Variants in MROH1 observed in about 807,000 individuals in gnomAD.
MROH1 encodes the protein maestro heat like repeat family member 1.
MROH1 carries 117 observed loss-of-function variants against 116.5 expected under a neutral mutation model. The observed-to-expected ratio is 1.00, with a 90% CI of 0.86 to 1.17. The LOEUF (loss-of-function observed/expected upper bound fraction) is 1.17. Among genes scored for constraint, MROH1 ranks in the 50% most tolerant of loss-of-function variants. The pLI is 0.00. For missense variants in MROH1, 1,873 were observed against 1,338.5 expected, an observed-to-expected ratio of 1.40 and a Z score of -6.23; for synonymous variants, 921 against 583.9, an observed-to-expected ratio of 1.58 and a Z score of -8.32.
chr8:144,149,713 G>A (rs1444838868), intron 1 of MROH1, among the ~76,000 whole-genome samples: 5 of 152,160 alleles, frequency 3.3e-5, no homozygotes, highest in East Asian at 1.9e-4. Context: ...TGGCTCTTGG[G>A]AGCTCCTAGC....
In MROH1 at chr8:144,243,886, G is replaced by C. The variant is rs1453477840; in HGVS notation, c.2499G>C (p.Pro833=). 4 of 780,294 alleles carry C rather than the reference G, an allele frequency of 5.1e-6. No homozygotes were observed. Among genetic ancestry groups the C allele is most frequent in the African/African-American group, 3.4e-5 (2 of 59,254 alleles). 48.3% of individuals were successfully genotyped at this position (780,294 alleles called of 1,614,324 possible). The change falls in exon 26 of 44, where the codon CCG becomes CCC. Residue 833 remains proline, a synonymous_variant. Transcript: ENST00000326134. ...QMMEFIRAEP[P]DSLRTPIRKK... is the part of the protein sequence containing the mutation. ...AGGAGTTCATCAGGGCAGAGCCCCC[G>C]GACTCCTTGAGGACACCTATTCGGA...
chr8:144,152,484 G>C (rs1314487370), intron 1 of MROH1, among the ~76,000 whole-genome samples: 1 of 151,962 alleles, frequency 6.6e-6, no homozygotes, highest in African/African-American at 2.4e-5. Flanking sequence ...TGCCTACTGG[G>C]TTCAAGCCAT....
At chr8:144,160,191 A>G (rs1255380452) in intron 1 of MROH1, among the ~76,000 whole-genome samples, 1 of 152,208 alleles carries the variant, frequency 6.6e-6, no homozygotes, top group African/African-American at 2.4e-5. Flanking sequence ...ACTAGGGAAC[A>G]GTTTGATCTT....
intron 12 of MROH1, among the ~76,000 whole-genome samples, chr8:144,208,881 A>G (rs6558322): frequency 0.98 from 149,271 of 152,124 alleles, 73,281 homozygotes; most frequent in East Asian, 1. Context: ...GCACCACCAC[A>G]TCCGGCTAAT....
intron 4 of MROH1, among the ~76,000 whole-genome samples, chr8:144,178,141 G>GT (rs541890850): frequency 0.017 from 2,233 of 130,040 alleles, 42 homozygotes; most frequent in African/African-American, 0.057. Context: ...TGTTTTTTGT[G>GT]TTTTTTTTTT....
At chr8:144,191,937 A>T in intron 9 of MROH1, 82 bp downstream of exon 9, 1 of 1,529,266 alleles carries the variant, frequency 6.5e-7, no homozygotes, top group Non-Finnish European at 8.9e-7. Context: ...GTCCTCGGCT[A>T]GGGCTCAGTG....
At chr8:144,207,493 C>T (rs972837120) in intron 12 of MROH1, among the ~76,000 whole-genome samples, 2 of 152,056 alleles carry the variant, frequency 1.3e-5, no homozygotes, top group African/African-American at 4.8e-5. Context: ...GACCCCTGTT[C>T]AGGTCTTTTG....
chr8:144,191,654 T>A, intron 8 of MROH1, 61 bp from the exon 9 acceptor site: 1 of 1,589,310 alleles, frequency 6.3e-7, no homozygotes, highest in Non-Finnish European at 8.6e-7. Flanking sequence ...TTGCTGGACA[T>A]GCTCTGAGCA....
chr8:144,241,612 T>C, intron 22 of MROH1, 95 bp downstream of exon 22: 1 of 766,986 alleles, frequency 1.3e-6, no homozygotes, highest in South Asian at 1.4e-5. Context: ...GGCAGGAAGC[T>C]GGTTGCGTCC....
rs1161687289 is a variant in MROH1 at position 144,230,802 on chromosome 8, CTTTTTTT to C, written c.1338+7590_1338+7596del. ...GGATTTTTCTTCACTAAAAGGTTTT[CTTTTTTT>C]TTTTTTTTTTTTTTTTTAATTGATC... On this transcript the variant is annotated intron_variant, in intron 14 of 43. Transcript: ENST00000326134. Among the ~76,000 whole-genome samples, 124 of 68,620 alleles carry C rather than the reference CTTTTTTT, an allele frequency of 1.8e-3. No homozygotes were observed. In the East Asian group the frequency reaches 0.018, roughly 10 times the overall value. The allele number at this position is 68,620 out of a possible 152,430, so 45.0% of individuals were successfully genotyped here. A position where few individuals can be genotyped will look rare whatever the true frequency, so the allele number is the denominator to read the frequency against.
intron 17 of MROH1, 57 bp from the exon 18 acceptor site, chr8:144,239,557 T>C: frequency 2.6e-6 from 2 of 765,108 alleles, no homozygotes; most frequent in Admixed American, 3.5e-5. Context: ...AGGTGCAGGT[T>C]GTGGGCATGA....
chr8:144,165,484 G>A (rs531235177), intron 3 of MROH1, among the ~76,000 whole-genome samples: 7 of 152,132 alleles, frequency 4.6e-5, no homozygotes, highest in Non-Finnish European at 1.0e-4. Flanking sequence ...TGCTCAGGGT[G>A]GTCTTGAACG....
chr8:144,195,141 G>A (rs1404715813), intron 10 of MROH1, among the ~76,000 whole-genome samples: 2 of 139,260 alleles, frequency 1.4e-5, no homozygotes, highest in Admixed American at 1.6e-4. Flanking sequence ...GCTGCAGTGA[G>A]CTGTGATCAC....
chr8:144,258,366 T>C (rs1422116282), intron 35 of MROH1, among the ~76,000 whole-genome samples: 10 of 152,288 alleles, frequency 6.6e-5, no homozygotes, highest in African/African-American at 2.4e-4. Flanking sequence ...CAGAGGGCTG[T>C]GGAGTCTCCT....
intron 29 of MROH1, 145 bp downstream of exon 29, chr8:144,245,405 G>A (rs1841716616): frequency 1.6e-6 from 1 of 644,376 alleles, no homozygotes; most frequent in Admixed American, 2.4e-5. Flanking sequence ...GGGCCTGTCA[G>A]GGCCAGGAGT....
Position 144,244,467 on chromosome 8 carries a change from C to T in MROH1, c.2694C>T (p.His898=), listed in dbSNP as rs920657928. 1.3e-5 allele frequency: 10 copies of T among 770,698 alleles called. No homozygotes were observed. The highest frequency in any genetic ancestry group is 8.3e-5 in the South Asian group (6 of 72,348). The allele number at this position is 770,698 out of a possible 1,614,324, so 47.7% of individuals were successfully genotyped here. Reference sequence around the variant, plus strand: ...AGTCCCTGTATCTGGAGACACTGCACGCCCTTGAGGATCTGCTGACGAGCC... The same window carrying T: ...AGTCCCTGTATCTGGAGACACTGCATGCCCTTGAGGATCTGCTGACGAGCC... ...CQKSLYLETL[H]ALEDLLTSLL... The change falls in exon 28 of 44, where the codon CAC becomes CAT. Residue 898 remains histidine (H), a synonymous_variant. Transcript: ENST00000326134.
At chr8:144,208,688 C>T (rs774341176) in intron 12 of MROH1, among the ~76,000 whole-genome samples, 1 of 152,020 alleles carries the variant, frequency 6.6e-6, no homozygotes, top group Non-Finnish European at 1.5e-5. Context: ...TATTTCAGGA[C>T]TCTATTCTTT....
intron 12 of MROH1, among the ~76,000 whole-genome samples, chr8:144,204,230 C>T (rs1344943258): frequency 6.6e-6 from 1 of 152,184 alleles, no homozygotes; most frequent in African/African-American, 2.4e-5. Context: ...CCCACCTCAG[C>T]CTCCCAAGCA....
rs946843731 is a variant in MROH1, at chr8:144,240,170, G to A, written c.1827+17G>A. 1,628 of 769,186 alleles carry A rather than the reference G, an allele frequency of 2.1e-3. 19 individuals carry two copies. The African/African-American group carries it at 0.023, about 11-fold the overall frequency. The allele number at this position is 769,186 out of a possible 1,614,324, so 47.6% of individuals were successfully genotyped here. On this transcript the variant is annotated intron_variant, in intron 19 of 43. Transcript: ENST00000326134. ...CTGTTGATGGTGAGGGCCGGGGTAC[G>A]GCCCATCCTGGGCCTTAAGGTGTTG...
Sources: allele counts gnomAD v4.1 joint callset (sites outside exome capture counted in the v4.1 genomes callset), GRCh38; gene constraint gnomAD v4.1.1; transcripts MANE v1.5; gene names NCBI Gene and HGNC (gene_info 2026-07-23, HGNC 2026-07-21).